The following C22orf31 variants were observed in gnomAD, a reference collection of about 807,000 sequenced individuals.
C22orf31 encodes uncharacterized protein C22orf31.
C22orf31 carries 11 observed loss-of-function variants against 15.0 expected under a neutral mutation model. The ratio of observed to expected loss-of-function variants is 0.73; its 90% CI spans 0.46 to 1.21. The LOEUF (loss-of-function observed/expected upper bound fraction) is 1.21, where lower values mean the gene tolerates loss of function less well. Ranked by LOEUF, C22orf31 falls within the 50% of genes most tolerant of loss-of-function variation. The pLI, the probability that C22orf31 is intolerant of heterozygous loss-of-function variation, is 0.00. For synonymous variants in C22orf31, 132 were observed against 133.3 expected, an observed-to-expected ratio of 0.99 and a Z score of 0.07; for missense variants, 340 against 347.2, an observed-to-expected ratio of 0.98 and a Z score of 0.17.
At chr22:29,068,410 TTC>T in the C22orf31 span, among the ~76,000 whole-genome samples, 23 of 109,408 alleles carry the variant, frequency 2.1e-4, no homozygotes, top group Non-Finnish European at 3.2e-4. Flanking sequence ...GTCTTTAAAT[TTC>T]TTTTTTTTTT....
At chr22:29,066,961 G>A in the C22orf31 span, among the ~76,000 whole-genome samples, 1 of 152,114 alleles carries the variant, frequency 6.6e-6, no homozygotes, top group Admixed American at 6.6e-5. Context: ...CAAGACCAGA[G>A]TCTTTCTCTT....
At chr22:29,071,496 C>G in the C22orf31 span, among the ~76,000 whole-genome samples, 1 of 152,172 alleles carries the variant, frequency 6.6e-6, no homozygotes, top group Non-Finnish European at 1.5e-5. Flanking sequence ...CAAGGCGTGC[C>G]GGTCCCGCCC....
intron 1 of C22orf31, 96 bp downstream of exon 1, chr22:29,061,694 T>C: frequency 2.1e-6 from 2 of 947,116 alleles, no homozygotes. Flanking sequence ...TGGGACCAAC[T>C]AAGAGCAACA....
At chr22:29,064,462 G>A (rs1412998003), upstream of C22orf31, among the ~76,000 whole-genome samples, 1 of 152,068 alleles carries the variant, frequency 6.6e-6, no homozygotes, top group African/African-American at 2.4e-5. Context: ...TGAAATACTT[G>A]GCATGGCTCC....
chr22:29,073,169 C>T, the C22orf31 span: 1 of 1,166,658 alleles, frequency 8.6e-7, no homozygotes. The surrounding 1 kb of genome is among the most constrained non-coding windows in gnomAD (Gnocchi z 4.4). Context: ...TGCTCTCCGC[C>T]GCGGCGCTCA....
upstream of C22orf31, among the ~76,000 whole-genome samples, chr22:29,062,538 T>C (rs2037401158): frequency 6.6e-6 from 1 of 152,174 alleles, no homozygotes; most frequent in African/African-American, 2.4e-5. Context: ...CCTCACTGCT[T>C]ATCAGGTGCT....
chr22:29,069,755 A>G, the C22orf31 span, among the ~76,000 whole-genome samples: 3 of 151,810 alleles, frequency 2.0e-5, no homozygotes, highest in African/African-American at 7.3e-5. Context: ...GGGGGTGGAG[A>G]AGGTTAGAGG....
At chr22:29,067,954 G>A in the C22orf31 span, among the ~76,000 whole-genome samples, 4 of 152,154 alleles carry the variant, frequency 2.6e-5, no homozygotes, top group Non-Finnish European at 5.9e-5. Context: ...GCAAGCATCT[G>A]TAGCCCCAGC....
chr22:29,070,841 A>T, the C22orf31 span, among the ~76,000 whole-genome samples: 2 of 152,066 alleles, frequency 1.3e-5, no homozygotes, highest in African/African-American at 4.8e-5. Flanking sequence ...TGTTCTTCGG[A>T]ATTTGTGTGT....
At chr22:29,064,585 C>T (rs2037416186), upstream of C22orf31, among the ~76,000 whole-genome samples, 1 of 150,996 alleles carries the variant, frequency 6.6e-6, no homozygotes, top group Non-Finnish European at 1.5e-5. Context: ...GTGATCACGG[C>T]TCATGAGAGC....
Position 29,058,908 on chromosome 22 carries a change from C to A in C22orf31, c.707G>T (p.Ser236Ile). ...WNPSGTPKRY[S>I]LELGKAIKQK... ...TTTAATGGCCTTGCCCAGCTCCAGG[C>A]TGTACCTCTTGGGGGTCCCTGAAGG... The change falls in exon 3 of 3, where the codon AGC becomes ATC. Residue 236 changes from serine (S) to isoleucine (I), a missense_variant. Ser to Ile is a moderately radical substitution (Grantham distance 142). Coordinates refer to ENST00000216071, the MANE Select transcript of C22orf31 (RefSeq NM_015370.2). The A allele has an allele frequency of 6.2e-7, 1 of 1,614,236 alleles. No homozygotes were observed.
the C22orf31 span, among the ~76,000 whole-genome samples, chr22:29,070,465 C>T: frequency 6.6e-6 from 1 of 152,254 alleles, no homozygotes; most frequent in African/African-American, 2.4e-5. Flanking sequence ...GCCAAATAAA[C>T]TTTGTTTCCA....
At chr22:29,072,022 A>T in the C22orf31 span, among the ~76,000 whole-genome samples, 2,184 of 152,310 alleles carry the variant, frequency 0.014, 50 homozygotes, top group African/African-American at 0.039. Flanking sequence ...GCTATGTGAT[A>T]AGATACGGAA....
In C22orf31 at chr22:29,058,789, C is replaced by T. The variant is rs371011517; in HGVS notation, c.826G>A (p.Glu276Lys). ...GGCCATTTCTTGAGTACAGGCTCCT[C>T]GTGGACACCTGGCTGCTTCCTGCCA... ...FPGRKQPGVH[E>K]EPVLKKWPKL... The change falls in exon 3 of 3, where the codon GAG becomes AAG. Residue 276 changes from glutamate (E) to lysine (K), a missense_variant. By Grantham distance (56) the Glu-to-Lys change is moderately conservative (BLOSUM62 1). Transcript: ENST00000216071. The T allele has an allele frequency of 1.5e-5, 24 of 1,614,006 alleles. No homozygotes were observed. Among genetic ancestry groups the T allele is most frequent in the African/African-American group, 4.0e-5 (3 of 74,924 alleles).
chr22:29,061,876 C>T (rs2037395659), upstream of C22orf31: 8 of 1,118,774 alleles, frequency 7.2e-6, no homozygotes, highest in East Asian at 2.5e-5. Flanking sequence ...CTCTCTCTCT[C>T]TTTTTTTTTG....
chr22:29,068,928 C>G, the C22orf31 span, among the ~76,000 whole-genome samples: 6 of 151,964 alleles, frequency 3.9e-5, no homozygotes, highest in African/African-American at 1.4e-4. Context: ...CTACACCTGG[C>G]TAGTTTTTGT....
intron 2 of C22orf31, chr22:29,060,040 T>A (rs1214312949): frequency 5.7e-6 from 5 of 875,500 alleles, no homozygotes; most frequent in Middle Eastern, 5.8e-4. Flanking sequence ...TTTTTTTTTT[T>A]TTTATTTTTT....
chr22:29,062,316 C>T (rs1377095845), upstream of C22orf31, among the ~76,000 whole-genome samples: 2 of 152,158 alleles, frequency 1.3e-5, no homozygotes, highest in Non-Finnish European at 2.9e-5. Context: ...GTTCTCAGAA[C>T]AGCTGCCAAG....
chr22:29,062,311 C>T (rs2037399051), upstream of C22orf31, among the ~76,000 whole-genome samples: 2 of 152,168 alleles, frequency 1.3e-5, no homozygotes, highest in Admixed American at 1.3e-4. Flanking sequence ...GTTAAGTTCT[C>T]AGAACAGCTG....
Sources: gnomAD v4.1 joint callset for allele counts (sites outside exome capture counted in the v4.1 genomes callset) on GRCh38, gnomAD v4.1.1 for gene constraint, Gnocchi (gnomAD v3.1) non-coding constraint, MANE v1.5 for transcripts, NCBI Gene and HGNC (gene_info 2026-07-23, HGNC 2026-07-21) for gene names.